KCNIP4: variants seen among roughly 807,000 people sequenced by gnomAD.
KCNIP4 encodes Kv channel-interacting protein 4.
KCNIP4 carries 12 observed loss-of-function variants against 34.0 expected under a neutral mutation model. The ratio of observed to expected loss-of-function variants is 0.35; its 90% CI spans 0.23 to 0.57. The LOEUF is 0.57. Among genes scored for constraint, KCNIP4 ranks in the 20% least tolerant of loss-of-function variants. The pLI is 0.83. For synonymous variants in KCNIP4, 124 were observed against 102.2 expected (o/e 1.21, Z -1.29); for missense variants, 238 against 311.7 (o/e 0.76, Z 1.78).
At chr4:21,108,721 T>C (rs1748830985) in intron 1 of KCNIP4, among the ~76,000 whole-genome samples, 1 of 151,384 alleles carries the variant, frequency 6.6e-6, no homozygotes, top group Non-Finnish European at 1.5e-5. Flanking sequence ...TTCCCCATCT[T>C]TGTGGTTTTA....
At chr4:21,709,611 A>T (rs1465790405) in intron 1 of KCNIP4, among the ~76,000 whole-genome samples, 1 of 152,082 alleles carries the variant, frequency 6.6e-6, no homozygotes, top group African/African-American at 2.4e-5. Flanking sequence ...AATTTTTTTT[A>T]AAGTTAAGAT....
rs755808607 is a variant in KCNIP4, at chr4:21,414,250, T to C, written c.62-531541A>G. On this transcript the variant is annotated intron_variant, in intron 1 of 8. Transcript: ENST00000382152. Reference sequence around the variant, plus strand: ...AGATGGTGACAACTAAAGAAGGTAATGGAGATGTATACATATCTTAGAGAA... The same window carrying C: ...AGATGGTGACAACTAAAGAAGGTAACGGAGATGTATACATATCTTAGAGAA... Among the ~76,000 whole-genome samples the C allele has an allele frequency of 2.6e-5, 4 of 152,190 alleles. No homozygotes were observed. The East Asian group carries it at 7.7e-4, about 29-fold the overall frequency.
chr4:21,673,577 C>T (rs2109012378), intron 1 of KCNIP4, among the ~76,000 whole-genome samples: 1 of 151,960 alleles, frequency 6.6e-6, no homozygotes, highest in African/African-American at 2.4e-5. Flanking sequence ...ATTCCAAATC[C>T]CACTTTCTAG....
At chr4:21,402,512 G>A (rs936240399) in intron 1 of KCNIP4, among the ~76,000 whole-genome samples, 4 of 152,116 alleles carry the variant, frequency 2.6e-5, no homozygotes, top group Admixed American at 6.5e-5. Context: ...CCTTGTAGGC[G>A]GGAATAACTC....
At chr4:20,822,866 A>G (rs1327623897) in intron 3 of KCNIP4, among the ~76,000 whole-genome samples, 2 of 152,122 alleles carry the variant, frequency 1.3e-5, no homozygotes, top group Non-Finnish European at 2.9e-5. Context: ...ACCCTCAGGA[A>G]TAGGGTTACT....
At chr4:21,245,280 T>C (rs909136504) in intron 1 of KCNIP4, among the ~76,000 whole-genome samples, 3 of 152,212 alleles carry the variant, frequency 2.0e-5, no homozygotes, top group Admixed American at 6.5e-5. Flanking sequence ...GTTACTCTTA[T>C]CTTAGGCCTT....
intron 1 of KCNIP4, among the ~76,000 whole-genome samples, chr4:21,694,927 A>T (rs28459973): frequency 0.14 from 14,081 of 102,178 alleles, 1,659 homozygotes; most frequent in African/African-American, 0.35. Flanking sequence ...AAAAAAAAAA[A>T]AAATAAAAAT....
intron 1 of KCNIP4, among the ~76,000 whole-genome samples, chr4:21,328,525 C>G (rs1020508988): frequency 6.6e-6 from 1 of 152,168 alleles, no homozygotes; most frequent in Non-Finnish European, 1.5e-5. Context: ...GACCCAAAGA[C>G]AGTACAGCAC....
chr4:20,739,665 G>A (rs1442685250), intron 5 of KCNIP4, among the ~76,000 whole-genome samples: 1 of 152,178 alleles, frequency 6.6e-6, no homozygotes, highest in Non-Finnish European at 1.5e-5. Context: ...GCTGAAAAGT[G>A]TAAAAATCAG....
intron 2 of KCNIP4, among the ~76,000 whole-genome samples, chr4:20,855,877 T>C (rs941626042): frequency 6.6e-6 from 1 of 152,038 alleles, no homozygotes; most frequent in Non-Finnish European, 1.5e-5. Flanking sequence ...AAGGATAAAA[T>C]TGATGGGATA....
intron 1 of KCNIP4, among the ~76,000 whole-genome samples, chr4:21,391,591 T>G (rs935323453): frequency 6.6e-6 from 1 of 152,142 alleles, no homozygotes; most frequent in Admixed American, 6.5e-5. Context: ...GACCTACCCA[T>G]ACTTGATATG....
intron 1 of KCNIP4, among the ~76,000 whole-genome samples, chr4:21,801,989 G>A (rs924802738): frequency 6.6e-6 from 1 of 151,682 alleles, no homozygotes; most frequent in Non-Finnish European, 1.5e-5. Context: ...TTTTAGGTGG[G>A]GTGCATAGGG....
At chr4:21,747,514 G>T (rs1176893922) in intron 1 of KCNIP4, among the ~76,000 whole-genome samples, 1 of 152,082 alleles carries the variant, frequency 6.6e-6, no homozygotes, top group African/African-American at 2.4e-5. Flanking sequence ...AGAGTACTGT[G>T]CCAGAAGAAC....
At chr4:21,038,885 C>T (rs899562845) in intron 1 of KCNIP4, among the ~76,000 whole-genome samples, 1 of 151,572 alleles carries the variant, frequency 6.6e-6, no homozygotes, top group Non-Finnish European at 1.5e-5. Flanking sequence ...ACTCAGTGTT[C>T]CAGCTCCTTC....
intron 1 of KCNIP4, among the ~76,000 whole-genome samples, chr4:21,720,782 C>T (rs1714777041): frequency 6.8e-6 from 1 of 146,416 alleles, no homozygotes; most frequent in Non-Finnish European, 1.5e-5. Context: ...GTTTTTTTGT[C>T]CTTGCGATAC....
At chr4:20,790,063 A>T (rs935194818) in intron 3 of KCNIP4, among the ~76,000 whole-genome samples, 2 of 152,116 alleles carry the variant, frequency 1.3e-5, no homozygotes, top group Non-Finnish European at 2.9e-5. Flanking sequence ...TAGATGGTAC[A>T]CCCTAGTACA....
At chr4:21,570,533 T>C (rs1740281783) in intron 1 of KCNIP4, among the ~76,000 whole-genome samples, 1 of 152,040 alleles carries the variant, frequency 6.6e-6, no homozygotes, top group African/African-American at 2.4e-5. Context: ...AGAAAATAAG[T>C]CTAAAAAGGG....
At chr4:20,959,867 G>A (rs2149657444) in intron 1 of KCNIP4, among the ~76,000 whole-genome samples, 1 of 152,190 alleles carries the variant, frequency 6.6e-6, no homozygotes, top group Non-Finnish European at 1.5e-5. Context: ...TGTAAGATGA[G>A]GAAAATGGGA....
intron 1 of KCNIP4, among the ~76,000 whole-genome samples, chr4:21,150,577 G>A (rs948046269): frequency 1.4e-4 from 22 of 152,294 alleles, no homozygotes; most frequent in Non-Finnish European, 1.2e-4. Context: ...GTATGCATTG[G>A]AGGAGTTTAT....
Sources: allele counts gnomAD v4.1 joint callset (sites outside exome capture counted in the v4.1 genomes callset), GRCh38; gene constraint gnomAD v4.1.1; transcripts MANE v1.5; gene names NCBI Gene and HGNC (gene_info 2026-07-23, HGNC 2026-07-21).